COMMD8: variants seen among roughly 807,000 people sequenced by gnomAD.
COMMD8 encodes the protein COMM domain containing 8.
A neutral mutation model predicts 27.2 loss-of-function variants in COMMD8; 28 were observed. The observed-to-expected ratio is 1.03, with a 90% CI of 0.76 to 1.41. The LOEUF (loss-of-function observed/expected upper bound fraction) is 1.41. COMMD8 is among the 40% of genes most tolerant of loss of function. The pLI, the probability that COMMD8 is intolerant of heterozygous loss-of-function variation, is 0.00. For missense variants in COMMD8, 217 were observed against 211.2 expected, an observed-to-expected ratio of 1.03 and a Z score of -0.17; for synonymous variants, 79 against 75.5, an observed-to-expected ratio of 1.05 and a Z score of -0.24.
At chr4:47,453,330 G>C (rs1181917766) in intron 3 of COMMD8, 116 bp from the exon 4 acceptor site, 3 of 730,200 alleles carry the variant, frequency 4.1e-6, no homozygotes, top group South Asian at 4.4e-5. Context: ...GTTGAGTATA[G>C]AGAAAGGTGA....
intron 2 of COMMD8, among the ~76,000 whole-genome samples, chr4:47,459,343 A>T (rs1049631489): frequency 2.6e-5 from 4 of 152,146 alleles, no homozygotes; most frequent in African/African-American, 9.6e-5. Flanking sequence ...AGCTCAAATG[A>T]TTTTTGACAA....
At chr4:47,459,130 C>A (rs75469899) in intron 2 of COMMD8, among the ~76,000 whole-genome samples, 2,019 of 152,134 alleles carry the variant, frequency 0.013, 49 homozygotes, top group African/African-American at 0.047. Context: ...TATTAGCCAG[C>A]AAAAGAAATA....
chr4:47,455,899 G>A (rs1729874830), intron 3 of COMMD8, among the ~76,000 whole-genome samples: 1 of 152,064 alleles, frequency 6.6e-6, no homozygotes, highest in African/African-American at 2.4e-5. Flanking sequence ...CCTAGAGGTA[G>A]AATCACATTT....
At chr4:47,461,576 T>C (rs1730026257) in intron 1 of COMMD8, among the ~76,000 whole-genome samples, 1 of 152,170 alleles carries the variant, frequency 6.6e-6, no homozygotes, top group Non-Finnish European at 1.5e-5. Context: ...TTTTGGAATA[T>C]GTTTGTTATT....
intron 2 of COMMD8, 51 bp downstream of exon 2, chr4:47,460,093 G>T: frequency 6.6e-7 from 1 of 1,507,868 alleles, no homozygotes; most frequent in Non-Finnish European, 9.1e-7. Context: ...AACTCAGAGA[G>T]AAACCTGAGC....
chr4:47,457,856 C>T (rs185716834), intron 2 of COMMD8, among the ~76,000 whole-genome samples: 3 of 144,572 alleles, frequency 2.1e-5, no homozygotes, highest in Admixed American at 2.0e-4. Flanking sequence ...AAAAAAAAAA[C>T]ACCTAGGCCA....
chr4:47,452,384 A>G (rs1729774463), intron 4 of COMMD8, among the ~76,000 whole-genome samples: 1 of 152,180 alleles, frequency 6.6e-6, no homozygotes, highest in African/African-American at 2.4e-5. Context: ...TAATAAAGCC[A>G]CTTTTTTTAG....
chr4:47,458,064 A>C (rs193175192), intron 2 of COMMD8, among the ~76,000 whole-genome samples: 264 of 152,240 alleles, frequency 1.7e-3, no homozygotes, highest in Middle Eastern at 3.4e-3. Flanking sequence ...ATTTCATAAA[A>C]TTCAATATCC....
chr4:47,463,539 T>C (rs1450410102), intron 1 of COMMD8, 47 bp downstream of exon 1: 1 of 1,520,890 alleles, frequency 6.6e-7, no homozygotes, highest in Non-Finnish European at 8.8e-7. Flanking sequence ...CGCCGGGCTG[T>C]CGCGAATCCC....
intron 2 of COMMD8, among the ~76,000 whole-genome samples, chr4:47,459,045 T>C (rs1729957034): frequency 1.3e-5 from 2 of 152,158 alleles, no homozygotes; most frequent in African/African-American, 4.8e-5. Context: ...GCTAAAACAA[T>C]CAAGCTTCTA....
chr4:47,454,864 CAAAAAAAAAAA>C (rs1187989270), intron 3 of COMMD8, among the ~76,000 whole-genome samples: 1 of 39,510 alleles, frequency 2.5e-5, no homozygotes, highest in Non-Finnish European at 4.5e-5. Context: ...AACTCCATCT[CAAAAAAAAAAA>C]AAAAAAAAAA....
intron 3 of COMMD8, 144 bp from the exon 4 acceptor site, chr4:47,453,358 C>A: frequency 1.6e-6 from 1 of 609,652 alleles, no homozygotes; most frequent in African/African-American, 1.8e-5. Flanking sequence ...AAATTAAGTC[C>A]ATGCTAAAGC....
At chr4:47,452,063 C>A (rs535811430) in intron 4 of COMMD8, among the ~76,000 whole-genome samples, 1 of 152,330 alleles carries the variant, frequency 6.6e-6, no homozygotes, top group Admixed American at 6.5e-5. Flanking sequence ...TTGTAAGAAT[C>A]ACTGAGACTT....
At chr4:47,452,266 C>G (rs1729771640) in intron 4 of COMMD8, among the ~76,000 whole-genome samples, 1 of 152,146 alleles carries the variant, frequency 6.6e-6, no homozygotes, top group African/African-American at 2.4e-5. Context: ...TTTGGACATT[C>G]ATTAGTTCTG....
At position 47,460,130 on chromosome 4, in the gene COMMD8, T is replaced by C. The variant is rs780556390; in HGVS notation, c.222+14A>G. On this transcript the variant is annotated intron_variant, in intron 2 of 4. Transcript: ENST00000381571. ...TTATTTATTGTAAGTTATAGAAATGTGCAGAGAAGTTACCTCTTCATCAGG... is the reference window on the plus strand; with the variant it reads ...TTATTTATTGTAAGTTATAGAAATGCGCAGAGAAGTTACCTCTTCATCAGG... The C allele has an allele frequency of 3.1e-6, 5 of 1,608,742 alleles. No individual in the cohort carries two copies. Among genetic ancestry groups the C allele is most frequent in the Non-Finnish European group, 3.4e-6 (4 of 1,176,760 alleles).
intron 2 of COMMD8, among the ~76,000 whole-genome samples, chr4:47,457,586 A>C (rs548448125): frequency 9.9e-5 from 15 of 152,206 alleles, no homozygotes; most frequent in Non-Finnish European, 1.5e-4. Context: ...ATTCTGAGCC[A>C]TTTGGCAAAC....
intron 3 of COMMD8, 62 bp downstream of exon 3, chr4:47,456,515 T>C (rs1181566183): frequency 3.4e-6 from 4 of 1,190,952 alleles, no homozygotes; most frequent in East Asian, 5.5e-5. Context: ...TATGATATTA[T>C]AAAGATATTT....
intron 1 of COMMD8, among the ~76,000 whole-genome samples, chr4:47,462,537 T>C (rs1730086954): frequency 6.6e-6 from 1 of 152,160 alleles, no homozygotes. Flanking sequence ...TTTTGTTTTG[T>C]TTTTTACCTG....
intron 2 of COMMD8, among the ~76,000 whole-genome samples, chr4:47,457,439 C>T (rs116049637): frequency 2.9e-3 from 434 of 151,324 alleles, no homozygotes; most frequent in Non-Finnish European, 5.3e-3. Context: ...CACAAAGAAA[C>T]GAAAAAAAAT....
Sources: gnomAD v4.1 joint callset for allele counts (sites outside exome capture counted in the v4.1 genomes callset) on GRCh38, gnomAD v4.1.1 for gene constraint, MANE v1.5 for transcripts, NCBI Gene and HGNC (gene_info 2026-07-23, HGNC 2026-07-21) for gene names.